The following CNTLN variants were observed in gnomAD, a reference collection of about 807,000 sequenced individuals.
CNTLN encodes centlein, also known as centlein, centrosomal protein.
In CNTLN, 212 loss-of-function variants were observed where a neutral mutation model predicts 180.0. The ratio of observed to expected loss-of-function variants is 1.18; its 90% CI spans 1.05 to 1.32. The LOEUF is 1.32. Among genes scored for constraint, CNTLN ranks in the 40% most tolerant of loss-of-function variants. The pLI is 0.00. For synonymous variants in CNTLN, 722 were observed against 563.1 expected (o/e 1.28, Z -3.99); for missense variants, 2,095 against 1,610.9 (o/e 1.30, Z -5.14).
chr9:17,248,000 A>G (rs1440492460), intron 5 of CNTLN, among the ~76,000 whole-genome samples: 1 of 151,646 alleles, frequency 6.6e-6, no homozygotes, highest in East Asian at 1.9e-4. Flanking sequence ...CTTGCTAATT[A>G]TTTGTAGAGA....
At position 17,150,223 on chromosome 9, in the gene CNTLN, C is replaced by T. The variant is rs1818762030; in HGVS notation, c.449+6847C>T. On this transcript the variant is annotated intron_variant, in intron 2 of 25. Transcript: ENST00000380647. ...TGGTGTTTTGGACATGAAGTCTTTG[C>T]CCATGCATATGTCCTGAATGGTATT... is the stretch of plus-strand genomic sequence containing the variant. 3.3e-5 allele frequency among the ~76,000 whole-genome samples: 5 copies of T among 152,262 alleles called. No homozygotes were observed. In the South Asian group the frequency reaches 8.3e-4, roughly 25 times the overall value.
intron 14 of CNTLN, among the ~76,000 whole-genome samples, chr9:17,391,001 A>G (rs1390756706): frequency 6.6e-6 from 1 of 152,202 alleles, no homozygotes; most frequent in Non-Finnish European, 1.5e-5. Context: ...AATAAAAGGC[A>G]GGTTAACACG....
intron 12 of CNTLN, among the ~76,000 whole-genome samples, chr9:17,342,871 A>C (rs539049904): frequency 6.6e-6 from 1 of 152,294 alleles, no homozygotes; most frequent in African/African-American, 2.4e-5. Flanking sequence ...TGCTAATCCC[A>C]GCTGAGCTCA....
chr9:17,158,301 T>C (rs929799604), intron 2 of CNTLN, among the ~76,000 whole-genome samples: 1 of 152,182 alleles, frequency 6.6e-6, no homozygotes, highest in African/African-American at 2.4e-5. Flanking sequence ...CTTGCTGGTA[T>C]GTTGCTGAGG....
At chr9:17,391,523 G>A (rs1482667623) in intron 14 of CNTLN, among the ~76,000 whole-genome samples, 1 of 152,046 alleles carries the variant, frequency 6.6e-6, no homozygotes, top group South Asian at 2.1e-4. Flanking sequence ...TTGGTGTGTT[G>A]TATTCTGAGC....
At chr9:17,309,009 CAT>C in intron 7 of CNTLN, 47 bp from the exon 8 acceptor site, 1 of 1,272,560 alleles carries the variant, frequency 7.9e-7, no homozygotes, top group Non-Finnish European at 1.1e-6. Context: ...CACACAGACA[CAT>C]AGTTTTATTG....
the CNTLN span, among the ~76,000 whole-genome samples, chr9:17,514,949 A>G: frequency 6.6e-6 from 1 of 152,226 alleles, no homozygotes; most frequent in Non-Finnish European, 1.5e-5. Flanking sequence ...GATAAAGGAA[A>G]AGAAAACTAG....
intron 25 of CNTLN, among the ~76,000 whole-genome samples, chr9:17,494,575 C>T (rs563301202): frequency 1.2e-3 from 182 of 152,122 alleles, no homozygotes; most frequent in African/African-American, 4.3e-3. Context: ...TCTCTGTGTC[C>T]ATATGTTCTC....
At chr9:17,369,862 C>T (rs929514955) in intron 13 of CNTLN, among the ~76,000 whole-genome samples, 16 of 151,756 alleles carry the variant, frequency 1.1e-4, no homozygotes, top group Middle Eastern at 3.4e-3. Context: ...TGGCACATGC[C>T]GGTGATCCCA....
At chr9:17,284,797 A>G (rs565052210) in intron 6 of CNTLN, among the ~76,000 whole-genome samples, 11 of 151,680 alleles carry the variant, frequency 7.3e-5, no homozygotes, top group South Asian at 2.1e-4. Flanking sequence ...TTCTTCTGCT[A>G]GTGTTGTGGT....
At chr9:17,311,616 G>A (rs1248495002) in intron 8 of CNTLN, among the ~76,000 whole-genome samples, 1 of 151,586 alleles carries the variant, frequency 6.6e-6, no homozygotes, top group African/African-American at 2.4e-5. Context: ...GAGACCATCC[G>A]GGCCAACCTG....
intron 7 of CNTLN, among the ~76,000 whole-genome samples, chr9:17,306,323 A>G (rs546335762): frequency 1.4e-3 from 216 of 151,832 alleles, no homozygotes; most frequent in African/African-American, 5.2e-3. Flanking sequence ...CTAATTTTGT[A>G]TTTTTAGTAG....
At position 17,466,708 on chromosome 9, in the gene CNTLN, T is replaced by C. The variant is rs1831770334; in HGVS notation, c.3672T>C (p.Asp1224=). The C allele has an allele frequency of 6.2e-7, 1 of 1,606,966 alleles. No individual in the cohort carries two copies. The highest frequency in any genetic ancestry group is 1.1e-5 in the South Asian group (1 of 90,182). ...TTATGACTGCTGATCTTTTGCAGGA[T>C]CTCAAGCTTACTCTCCTAGTATCAA... ...QKSKEELEKK[D]LKLTLLVSRI... Residue 1224 remains aspartate (D), a splice_region_variant and synonymous_variant, in exon 23 of 26, where the codon GAT becomes GAC. Coordinates refer to ENST00000380647, the MANE Select transcript of CNTLN (RefSeq NM_017738.4).
chr9:17,180,750 C>A (rs1235998990), intron 2 of CNTLN, among the ~76,000 whole-genome samples: 1 of 151,918 alleles, frequency 6.6e-6, no homozygotes, highest in African/African-American at 2.4e-5. Flanking sequence ...CCTAGATTTC[C>A]CCCCTCCTAT....
At chr9:17,190,844 G>T (rs1360487950) in intron 2 of CNTLN, among the ~76,000 whole-genome samples, 1 of 152,162 alleles carries the variant, frequency 6.6e-6, no homozygotes. Flanking sequence ...CTACCAGGGA[G>T]TTGAAAGACT....
chr9:17,136,612 C>A (rs908349989), intron 1 of CNTLN, among the ~76,000 whole-genome samples: 1 of 152,136 alleles, frequency 6.6e-6, no homozygotes, highest in African/African-American at 2.4e-5. Flanking sequence ...TACAGAAATT[C>A]ATTCTCTCAT....
At chr9:17,191,296 A>G (rs1821772230) in intron 2 of CNTLN, among the ~76,000 whole-genome samples, 1 of 152,208 alleles carries the variant, frequency 6.6e-6, no homozygotes, top group African/African-American at 2.4e-5. Context: ...ACCCAGCTTC[A>G]TGATGCCATG....
chr9:17,394,440 T>A, intron 14 of CNTLN, 94 bp from the exon 15 acceptor site: 1 of 991,554 alleles, frequency 1.0e-6, no homozygotes. Flanking sequence ...GTCCTTGTGC[T>A]AAATGTGATT....
intron 18 of CNTLN, among the ~76,000 whole-genome samples, chr9:17,432,118 A>T (rs1339938924): frequency 6.6e-6 from 1 of 152,230 alleles, no homozygotes; most frequent in Non-Finnish European, 1.5e-5. Context: ...AATGAAATGA[A>T]GTAAATCCAA....
Sources: gnomAD v4.1 joint callset for allele counts (sites outside exome capture counted in the v4.1 genomes callset) on GRCh38, gnomAD v4.1.1 for gene constraint, MANE v1.5 for transcripts, NCBI Gene and HGNC (gene_info 2026-07-23, HGNC 2026-07-21) for gene names.